Variants in BMI1 observed in about 807,000 individuals in gnomAD.
The protein encoded by BMI1 is polycomb complex protein BMI-1.
In BMI1, 9 loss-of-function variants were observed where a neutral mutation model predicts 39.1. The observed-to-expected ratio is 0.23, with a 90% CI of 0.14 to 0.40. BMI1 has a LOEUF of 0.40. Among genes scored for constraint, BMI1 ranks in the 10% least tolerant of loss-of-function variants. BMI1 has a pLI of 1.00. For missense variants in BMI1, 252 were observed against 390.8 expected (o/e 0.64, Z 2.99); for synonymous variants, 131 against 127.9 (o/e 1.02, Z -0.16).
intron 2 of BMI1, 109 bp from the exon 3 acceptor site, chr10:22,326,781 T>A: frequency 1.4e-6 from 2 of 1,409,986 alleles, no homozygotes; most frequent in Non-Finnish European, 2.0e-6. Flanking sequence ...GCTTATTTAG[T>A]TGGAAATGCC....
At position 22,329,352 on chromosome 10, in the gene BMI1, G is replaced by T; in HGVS notation, c.791G>T (p.Gly264Val). ...GACAAGGCCAACAGCCCAGCAGGAGGTATTCCCTCCACCTCTTCTTGTTTG... is the reference window on the plus strand; with the variant it reads ...GACAAGGCCAACAGCCCAGCAGGAGTTATTCCCTCCACCTCTTCTTGTTTG... Reference protein sequence around the residue: ...GSDKANSPAGGIPSTSSCLPS... With the variant: ...GSDKANSPAGVIPSTSSCLPS... Residue 264 changes from glycine (G) to valine (V), a missense_variant, in exon 10 of 10, where the codon GGT (glycine) becomes GTT (valine). Gly to Val is a moderately radical substitution (Grantham distance 109). Coordinates refer to ENST00000376663, the MANE Select transcript of BMI1 (RefSeq NM_005180.9). 7.4e-6 allele frequency: 12 copies of T among 1,614,152 alleles called. No individual in the cohort carries two copies. Among genetic ancestry groups the T allele is most frequent in the Non-Finnish European group, 1.0e-5 (12 of 1,180,018 alleles).
chr10:22,322,574 T>C (rs1379819905), intron 1 of BMI1, among the ~76,000 whole-genome samples: 1 of 152,180 alleles, frequency 6.6e-6, no homozygotes, highest in African/African-American at 2.4e-5. Flanking sequence ...TTGGAGCTTT[T>C]TGTGGAGTGA....
At chr10:22,323,732 A>G (rs764062285) in intron 1 of BMI1, among the ~76,000 whole-genome samples, 1 of 152,200 alleles carries the variant, frequency 6.6e-6, no homozygotes, top group African/African-American at 2.4e-5. Context: ...TACAATGGCA[A>G]GTTTTAACGG....
chr10:22,326,278 C>T (rs1023983326), intron 1 of BMI1, among the ~76,000 whole-genome samples, 153 bp from the exon 2 acceptor site: 3 of 152,088 alleles, frequency 2.0e-5, no homozygotes, highest in African/African-American at 7.2e-5. Flanking sequence ...TGATTCCGAT[C>T]TGATGAGTAA....
rs117894315 is a variant in BMI1, at chr10:22,327,182, C to G, written c.209+196C>G. On this transcript the variant is annotated intron_variant, in intron 3 of 9. Coordinates refer to ENST00000376663, the MANE Select transcript of BMI1 (RefSeq NM_005180.9). ...AGTTTAGACAAAGTTTAGTAGTATT[C>G]AAGTGATTTTAAGATTTTTTTTTCC... is the stretch of plus-strand genomic sequence containing the variant. 5.3e-5 allele frequency among the ~76,000 whole-genome samples: 8 copies of G among 152,240 alleles called. No individual in the cohort carries two copies. In the East Asian group the frequency reaches 7.7e-4, roughly 15 times the overall value.
chr10:22,330,620 A>G lies in BMI1; in HGVS notation c.*1078A>G, dbSNP rs985670358. 1 of 152,242 alleles carries G rather than the reference A, an allele frequency of 6.6e-6. No individual in the cohort carries two copies. Among genetic ancestry groups the G allele is most frequent in the Non-Finnish European group, 1.5e-5 (1 of 68,020 alleles). The allele number at this position is 152,242 out of a possible 1,614,324, so 9.4% of individuals were successfully genotyped here. On this transcript the variant is annotated 3_prime_UTR_variant, in exon 10 of 10. Transcript: ENST00000376663. ...ATTTTAAAAATGCATATTGATCACT[A>G]TAATTCTAAAACAATTTTTTAAATA...
rs1836197113 is a variant in BMI1 at position 22,327,988 on chromosome 10, G to A, written c.355G>A (p.Asp119Asn). ...TAATGAAGATAGAGGAGAGGTTGCA[G>A]ATGAAGATAAGAGAATTATAACTGA... Reference protein sequence around the residue: ...GSNEDRGEVADEDKRIITDDE... With the variant: ...GSNEDRGEVANEDKRIITDDE... Residue 119 changes from aspartate (D) to asparagine (N), a missense_variant, in exon 6 of 10, where the codon GAT (aspartate) becomes AAT (asparagine). By Grantham distance (23) the Asp-to-Asn change is conservative. This residue lies in a region of BMI1 where 67 missense variants were observed against 69.9 expected (regional missense o/e 0.96). Coordinates refer to ENST00000376663, the MANE Select transcript of BMI1 (RefSeq NM_005180.9). 1 of 1,610,958 alleles carries A rather than the reference G, an allele frequency of 6.2e-7. No individual in the cohort carries two copies. The highest frequency in any genetic ancestry group is 1.7e-5 in the Admixed American group (1 of 59,612).
chr10:22,328,319 T>C, intron 7 of BMI1, 140 bp downstream of exon 7: 1 of 958,464 alleles, frequency 1.0e-6, no homozygotes, highest in Admixed American at 3.5e-5. Flanking sequence ...AAGGTCTACA[T>C]GTGATATTTA....
Position 22,329,228 on chromosome 10 carries a change from T to C in BMI1, c.667T>C (p.Leu223=), listed in dbSNP as rs772171559. 36 of 1,613,656 alleles carry C rather than the reference T, an allele frequency of 2.2e-5. No individual in the cohort carries two copies. Among genetic ancestry groups the C allele is most frequent in the Non-Finnish European group, 2.9e-5 (34 of 1,179,720 alleles). Reference sequence around the variant, plus strand: ...AACTTTGTAGAATGGTCCACTTCCATTGAAATACAGAGTTCGACCTACTTG... The same window carrying C: ...AACTTTGTAGAATGGTCCACTTCCACTGAAATACAGAGTTCGACCTACTTG... ...YTWRRNGPLP[L]KYRVRPTCKR... The change falls in exon 10 of 10, where the codon TTG becomes CTG. Residue 223 remains leucine (L), a synonymous_variant. Transcript: ENST00000376663.
intron 1 of BMI1, among the ~76,000 whole-genome samples, chr10:22,325,054 C>T (rs1321446110): frequency 6.6e-6 from 1 of 152,090 alleles, no homozygotes; most frequent in Non-Finnish European, 1.5e-5. Flanking sequence ...ACTATTGTAC[C>T]GATTAAAGTA....
intron 1 of BMI1, chr10:22,325,781 C>T (rs1243440474): frequency 2.0e-5 from 3 of 152,052 alleles, no homozygotes; most frequent in Admixed American, 6.5e-5. Flanking sequence ...CGGAGCGAGA[C>T]GGAGCCCCGG....
Position 22,321,879 on chromosome 10 carries a change from C to A in BMI1, c.-20+183C>A, listed in dbSNP as rs868268863. On this transcript the variant is annotated intron_variant, in intron 1 of 9. Coordinates refer to ENST00000376663, the MANE Select transcript of BMI1 (RefSeq NM_005180.9). ...GCCGCCCGCCCCGCGCCTGCCGGCCCCGCGCGCCGCCCTCCCCGCGCCCGC... is the reference window on the plus strand; with the variant it reads ...GCCGCCCGCCCCGCGCCTGCCGGCCACGCGCGCCGCCCTCCCCGCGCCCGC... Among the ~76,000 whole-genome samples, 138 of 143,334 alleles carry A rather than the reference C, an allele frequency of 9.6e-4. No individual in the cohort carries two copies. In the East Asian group the frequency reaches 0.024, roughly 25 times the overall value. 94.0% of individuals were successfully genotyped at this position (143,334 alleles called of 152,430 possible).
chr10:22,329,830 TG>T lies in BMI1; in HGVS notation c.*290del, dbSNP rs1434073455. On this transcript the variant is annotated 3_prime_UTR_variant, in exon 10 of 10. Transcript: ENST00000376663. ...GGTTTCTGTAACCATTGTTTGGATTTGGAAGTACTCTGCAGTGGACATAAGC... is the reference window on the plus strand; with the variant it reads ...GGTTTCTGTAACCATTGTTTGGATTTGAAGTACTCTGCAGTGGACATAAGC... 1 of 376,290 alleles carries T rather than the reference TG, an allele frequency of 2.7e-6. No homozygotes were observed. The highest frequency in any genetic ancestry group is 4.8e-6 in the Non-Finnish European group (1 of 206,704). The allele number at this position is 376,290 out of a possible 1,614,324, so 23.3% of individuals were successfully genotyped here. A position where few individuals can be genotyped will look rare whatever the true frequency, so the allele number is the denominator to read the frequency against.
rs7915645 is a variant in BMI1 at position 22,329,615 on chromosome 10, C to T, written c.*73C>T. The T allele has an allele frequency of 6.7e-7, 1 of 1,503,678 alleles. No individual in the cohort carries two copies. Among genetic ancestry groups the T allele is most frequent in the Non-Finnish European group, 8.9e-7 (1 of 1,118,180 alleles). The allele number at this position is 1,503,678 out of a possible 1,614,324, so 93.1% of individuals were successfully genotyped here. On this transcript the variant is annotated 3_prime_UTR_variant, in exon 10 of 10. Coordinates refer to ENST00000376663, the MANE Select transcript of BMI1 (RefSeq NM_005180.9). ...GATATCTTCATGCCATTACAGCTTT[C>T]TAGATGCTAATACATGTGACTATCG... is the stretch of plus-strand genomic sequence containing the variant.
chr10:22,326,284 AG>A, intron 1 of BMI1, 146 bp from the exon 2 acceptor site: 1 of 1,077,088 alleles, frequency 9.3e-7, no homozygotes, highest in Non-Finnish European at 1.3e-6. Flanking sequence ...CGATCTGATG[AG>A]TAAATTCCTT....
chr10:22,327,880 C>T, intron 5 of BMI1, 70 bp from the exon 6 acceptor site: 2 of 1,592,138 alleles, frequency 1.3e-6, no homozygotes, highest in Non-Finnish European at 1.7e-6. Context: ...TTTACCACTT[C>T]CATCCTCTTA....
At chr10:22,326,365 TTG>T in intron 1 of BMI1, 64 bp from the exon 2 acceptor site, 1 of 1,591,776 alleles carries the variant, frequency 6.3e-7, no homozygotes. Context: ...GTTTCAGGGT[TTG>T]TGATTACTAG....
Position 22,321,158 on chromosome 10 carries a change from T to TC in BMI1, c.-552dup, listed in dbSNP as rs1835979692. 1.9e-5 allele frequency: 1 copy of TC among 51,940 alleles called. No individual in the cohort carries two copies. Among genetic ancestry groups the TC allele is most frequent in the South Asian group, 6.8e-4 (1 of 1,480 alleles). The allele number at this position is 51,940 out of a possible 1,614,324, so 3.2% of individuals were successfully genotyped here. On this transcript the variant is annotated 5_prime_UTR_variant, in exon 1 of 10. Coordinates refer to ENST00000376663, the MANE Select transcript of BMI1 (RefSeq NM_005180.9). Reference sequence around the variant, plus strand: ...CCACCCTCCCCTCCCCCTCCTCCCCTCCCCCCGCTCGCACGCACACACACG... The same window carrying TC: ...CCACCCTCCCCTCCCCCTCCTCCCCTCCCCCCCGCTCGCACGCACACACACG...
At chr10:22,323,901 C>T (rs1836068779) in intron 1 of BMI1, among the ~76,000 whole-genome samples, 1 of 152,152 alleles carries the variant, frequency 6.6e-6, no homozygotes, top group African/African-American at 2.4e-5. Flanking sequence ...ATTAGGTTGC[C>T]ACTACTTTCA....
Sources: gnomAD v4.1 joint callset for allele counts (sites outside exome capture counted in the v4.1 genomes callset) on GRCh38, gnomAD v4.1.1 for gene constraint, gnomAD v4.1.1 regional missense constraint, MANE v1.5 for transcripts, NCBI Gene and HGNC (gene_info 2026-07-23, HGNC 2026-07-21) for gene names.